The following IKBIP variants were observed in gnomAD, a reference collection of about 807,000 sequenced individuals.
The protein encoded by IKBIP is IKBKB interacting protein, also known as inhibitor of nuclear factor kappa-B kinase-interacting protein.
IKBIP carries 28 observed loss-of-function variants against 31.0 expected under a neutral mutation model. The ratio of observed to expected loss-of-function variants is 0.90; its 90% confidence interval spans 0.67 to 1.24. IKBIP has a LOEUF of 1.24. Among genes scored for constraint, IKBIP ranks in the 50% most tolerant of loss-of-function variants. The pLI is 0.00. For missense variants in IKBIP, 453 were observed against 441.9 expected (o/e 1.03, Z -0.23); for synonymous variants, 164 against 160.3 (o/e 1.02, Z -0.17).
chr12:98,644,075 C>T (rs1278419834), intron 1 of IKBIP, among the ~76,000 whole-genome samples: 1 of 152,170 alleles, frequency 6.6e-6, no homozygotes, highest in African/African-American at 2.4e-5. Flanking sequence ...CCTCGGTCTC[C>T]AAACATAATG....
chr12:98,619,002 T>C (rs1039485882), intron 2 of IKBIP, among the ~76,000 whole-genome samples: 1 of 152,244 alleles, frequency 6.6e-6, no homozygotes, highest in African/African-American at 2.4e-5. Context: ...CATAAATGTT[T>C]AATTTCAAAA....
At chr12:98,634,437 TA>T in intron 1 of IKBIP, 24 bp from the exon 2 acceptor site, 1 of 1,130,770 alleles carries the variant, frequency 8.8e-7, no homozygotes, top group South Asian at 1.3e-5. Context: ...GAAAAATCAC[TA>T]TTCTCCAATT....
At chr12:98,618,547 A>G (rs28716195) in intron 2 of IKBIP, among the ~76,000 whole-genome samples, 4 of 150,734 alleles carry the variant, frequency 2.7e-5, no homozygotes, top group African/African-American at 7.3e-5. Flanking sequence ...AATGGCGTGA[A>G]CCCGGGAGGC....
chr12:98,613,556 T>C, exon 3 of IKBIP: 1 of 1,214,012 alleles, frequency 8.2e-7, no homozygotes, highest in Non-Finnish European at 1.1e-6. Context: ...TTAAAAAAAT[T>C]ACCTTAGTCT....
intron 2 of IKBIP, among the ~76,000 whole-genome samples, chr12:98,630,111 C>T (rs1027561203): frequency 1.4e-4 from 21 of 151,666 alleles, no homozygotes; most frequent in East Asian, 1.9e-4. Flanking sequence ...GGGCCAGGTG[C>T]GGTGGCTCAC....
At position 98,644,748 on chromosome 12, in the gene IKBIP, G is replaced by C. The variant is rs371407416; in HGVS notation, c.-47C>G. The C allele has an allele frequency of 3.8e-6, 6 of 1,568,362 alleles. No homozygotes were observed. In the Admixed American group the frequency reaches 8.4e-5, roughly 22 times the overall value. Reference sequence around the variant, plus strand: ...AAGCCCAGGGCAGCTTCTTCACCAGGGGGAGCAGGACGTGGCCGCCTTGGC... The same window carrying C: ...AAGCCCAGGGCAGCTTCTTCACCAGCGGGAGCAGGACGTGGCCGCCTTGGC... On this transcript the variant is annotated 5_prime_UTR_variant, in exon 1 of 3. Transcript: ENST00000299157.
chr12:98,616,857 G>GT (rs1257418960), intron 2 of IKBIP, among the ~76,000 whole-genome samples: 1 of 152,014 alleles, frequency 6.6e-6, no homozygotes, highest in African/African-American at 2.4e-5. Flanking sequence ...TTAAATGCTA[G>GT]TATCACGCTG....
chr12:98,623,767 G>T (rs1325504815), downstream of IKBIP, among the ~76,000 whole-genome samples: 1 of 150,576 alleles, frequency 6.6e-6, no homozygotes, highest in Non-Finnish European at 1.5e-5. Context: ...TGTGTTTTAG[G>T]ATATTGGTAA....
At chr12:98,644,458 G>A in intron 1 of IKBIP, 65 bp downstream of exon 1, 3 of 1,462,316 alleles carry the variant, frequency 2.1e-6, no homozygotes, top group Non-Finnish European at 1.8e-6. Context: ...ATGTTGAGCC[G>A]GGTGGGAGCC....
Sources: gnomAD v4.1 joint callset for allele counts (sites outside exome capture counted in the v4.1 genomes callset) on GRCh38, gnomAD v4.1.1 for gene constraint, MANE v1.5 for transcripts, NCBI Gene and HGNC (gene_info 2026-07-23, HGNC 2026-07-21) for gene names.